The following RALGPS1 variants were observed in gnomAD, a reference collection of about 807,000 sequenced individuals.
RALGPS1 encodes the protein Ral GEF with PH domain and SH3 binding motif 1.
Under a neutral mutation model 78.8 loss-of-function variants are expected in RALGPS1, and 19 were observed. The ratio of observed to expected loss-of-function variants is 0.24; its 90% confidence interval spans 0.17 to 0.35. RALGPS1 has a LOEUF of 0.35. Among genes scored for constraint, RALGPS1 ranks in the 10% least tolerant of loss-of-function variants. The pLI is 1.00. For missense variants in RALGPS1, 454 were observed against 688.3 expected, an observed-to-expected ratio of 0.66 and a Z score of 3.81; for synonymous variants, 228 against 256.3, an observed-to-expected ratio of 0.89 and a Z score of 1.06.
chr9:127,000,650 G>A (rs1404947391), intron 4 of RALGPS1, among the ~76,000 whole-genome samples: 1 of 139,626 alleles, frequency 7.2e-6, no homozygotes, highest in African/African-American at 2.6e-5. Context: ...CCAGGTTCAA[G>A]CGATTCTCCT....
chr9:127,140,409 T>G (rs2057691927), intron 8 of RALGPS1, among the ~76,000 whole-genome samples: 1 of 152,200 alleles, frequency 6.6e-6, no homozygotes, highest in African/African-American at 2.4e-5. Flanking sequence ...ACAGCCCCTG[T>G]CTACCCCTTA....
At chr9:127,164,495 A>C (rs2059186629) in intron 8 of RALGPS1, among the ~76,000 whole-genome samples, 1 of 149,136 alleles carries the variant, frequency 6.7e-6, no homozygotes, top group African/African-American at 2.5e-5. Flanking sequence ...TTGGCCTCCC[A>C]AAGTGCTGGG....
At chr9:127,118,418 A>C (rs1483269654) in intron 8 of RALGPS1, among the ~76,000 whole-genome samples, 3 of 152,250 alleles carry the variant, frequency 2.0e-5, no homozygotes. Flanking sequence ...GGGGTGTTTT[A>C]TATAAATTCA....
intron 4 of RALGPS1, among the ~76,000 whole-genome samples, chr9:127,018,451 C>T (rs1362498150): frequency 6.6e-6 from 1 of 151,870 alleles, no homozygotes; most frequent in Non-Finnish European, 1.5e-5. Context: ...CTGCCGAACA[C>T]GGTGAAACTC....
intron 1 of RALGPS1, among the ~76,000 whole-genome samples, chr9:126,961,861 C>T (rs756262072): frequency 2.0e-5 from 3 of 152,148 alleles, no homozygotes; most frequent in African/African-American, 4.8e-5. Context: ...CTGAAATGGT[C>T]GCACAAGCTA....
At chr9:127,108,138 C>T (rs149444901) in intron 8 of RALGPS1, 65 of 1,613,854 alleles carry the variant, frequency 4.0e-5, no homozygotes, top group Non-Finnish European at 5.3e-5. Flanking sequence ...CCTCAAGCTG[C>T]GCGATGATCT....
chr9:127,094,058 C>A, intron 8 of RALGPS1: 1 of 1,012,104 alleles, frequency 9.9e-7, no homozygotes, highest in Non-Finnish European at 1.4e-6. Context: ...CTGAGGTAAC[C>A]AATTTTTGTT....
intron 1 of RALGPS1, among the ~76,000 whole-genome samples, chr9:126,950,518 A>G (rs572276117): frequency 1.3e-5 from 2 of 152,302 alleles, no homozygotes; most frequent in South Asian, 2.1e-4. Flanking sequence ...AACTCACTCA[A>G]AACTGCTCAA....
intron 8 of RALGPS1, among the ~76,000 whole-genome samples, chr9:127,074,070 C>A (rs934531239): frequency 6.6e-6 from 1 of 152,000 alleles, no homozygotes; most frequent in Non-Finnish European, 1.5e-5. Context: ...TTGGTAGAGA[C>A]GGGGTTTCAC....
At chr9:126,960,939 C>G (rs1310096614) in intron 1 of RALGPS1, among the ~76,000 whole-genome samples, 1 of 152,248 alleles carries the variant, frequency 6.6e-6, no homozygotes, top group African/African-American at 2.4e-5. Flanking sequence ...CTTCCTGTCT[C>G]TCAGTCTCTC....
chr9:126,965,003 G>A (rs1015342408), intron 2 of RALGPS1, among the ~76,000 whole-genome samples: 2 of 152,162 alleles, frequency 1.3e-5, no homozygotes, highest in African/African-American at 2.4e-5. Context: ...ATTTTTGGGC[G>A]GTAAGCTTGA....
intron 8 of RALGPS1, among the ~76,000 whole-genome samples, chr9:127,153,330 G>A (rs945853122): frequency 3.3e-5 from 5 of 151,118 alleles, no homozygotes; most frequent in Non-Finnish European, 7.4e-5. Context: ...TCTCTCAGTG[G>A]CACCTGAGGA....
At chr9:127,040,934 C>T (rs545937143) in intron 5 of RALGPS1, among the ~76,000 whole-genome samples, 1 of 151,648 alleles carries the variant, frequency 6.6e-6, no homozygotes, top group East Asian at 1.9e-4. Flanking sequence ...ATGGATTTAC[C>T]ATCCATGGTT....
At chr9:127,185,799 A>G (rs2060606367) in intron 11 of RALGPS1, among the ~76,000 whole-genome samples, 2 of 152,212 alleles carry the variant, frequency 1.3e-5, no homozygotes, top group Non-Finnish European at 2.9e-5. Context: ...AATCCAGTGT[A>G]GTATCTCCAG....
chr9:127,174,285 GAA>G (rs1170615418), intron 10 of RALGPS1, among the ~76,000 whole-genome samples: 1 of 120,972 alleles, frequency 8.3e-6, no homozygotes, highest in Non-Finnish European at 1.6e-5. Flanking sequence ...GAGAAAGAAA[GAA>G]AGAGAAAGAA....
chr9:127,185,421 C>G (rs747465961), intron 11 of RALGPS1, among the ~76,000 whole-genome samples: 1 of 152,234 alleles, frequency 6.6e-6, no homozygotes, highest in Admixed American at 6.5e-5. Context: ...TGTGTTCTCA[C>G]GTGCACCGTG....
At chr9:126,933,463 A>G (rs1157721318) in intron 1 of RALGPS1, among the ~76,000 whole-genome samples, 1 of 152,130 alleles carries the variant, frequency 6.6e-6, no homozygotes, top group African/African-American at 2.4e-5. Context: ...AGGCAGAGAG[A>G]AGAACCAAGG....
intron 5 of RALGPS1, among the ~76,000 whole-genome samples, chr9:127,035,214 G>A (rs990319341): frequency 3.3e-5 from 5 of 152,102 alleles, no homozygotes; most frequent in African/African-American, 4.8e-5. Flanking sequence ...TATATGGAAC[G>A]AATAGATGAG....
At chr9:127,064,257 T>C (rs2049481501) in intron 7 of RALGPS1, among the ~76,000 whole-genome samples, 1 of 152,236 alleles carries the variant, frequency 6.6e-6, no homozygotes, top group Non-Finnish European at 1.5e-5. Context: ...CTTTCTTCTA[T>C]GTAGTTCTGA....
Sources: gnomAD v4.1 joint callset for allele counts (sites outside exome capture counted in the v4.1 genomes callset) on GRCh38, gnomAD v4.1.1 for gene constraint, MANE v1.5 for transcripts, NCBI Gene and HGNC (gene_info 2026-07-23, HGNC 2026-07-21) for gene names.